The following STX8 variants were observed in gnomAD, a reference collection of about 807,000 sequenced individuals.
STX8 encodes the protein syntaxin-8.
STX8 carries 23 observed loss-of-function variants against 37.5 expected under a neutral mutation model. That is an observed-to-expected ratio of 0.61 (90% confidence interval 0.44 to 0.87). The LOEUF is 0.87. Among genes scored for constraint, STX8 ranks in the 40% least tolerant of loss-of-function variants. STX8 has a pLI of 0.00. For missense variants in STX8, 313 were observed against 284.7 expected (o/e 1.10, Z -0.71); for synonymous variants, 115 against 99.1 (o/e 1.16, Z -0.95).
At chr17:9,547,642 A>AAAAAAAAAAAAAAAAAAAAG in intron 3 of STX8, among the ~76,000 whole-genome samples, 1 of 115,846 alleles carries the variant, frequency 8.6e-6, no homozygotes, top group African/African-American at 3.2e-5. Context: ...AAAAAAAAGA[A>AAAAAAAAAAAAAAAAAAAAG]AAAAGAAAAG....
At chr17:9,357,778 G>A (rs61378513) in intron 7 of STX8, among the ~76,000 whole-genome samples, 4,414 of 152,172 alleles carry the variant, frequency 0.029, 121 homozygotes, top group African/African-American at 0.075. Context: ...AGTGAAGGGC[G>A]CAATGCCTCA....
chr17:9,268,298 A>AG lies in STX8; in HGVS notation c.644-17654_644-17653insC, dbSNP rs1198940275. Among the ~76,000 whole-genome samples the AG allele has an allele frequency of 6.1e-3, 925 of 151,510 alleles. 5 individuals are homozygous for AG. The highest frequency in any genetic ancestry group is 0.027 in the South Asian group (130 of 4,756). On this transcript the variant is annotated intron_variant, in intron 7 of 7. Coordinates refer to ENST00000306357, the MANE Select transcript of STX8 (RefSeq NM_004853.3). The stretch of plus-strand genomic sequence containing the variant: ...TGGAGTAAGAACAAAAAAAAAAAAA[A>AG]AGAGAGAGAGAGAGACTTCAAAGTT...
At chr17:9,376,507 G>C (rs1221294750) in intron 7 of STX8, among the ~76,000 whole-genome samples, 1 of 152,190 alleles carries the variant, frequency 6.6e-6, no homozygotes, top group African/African-American at 2.4e-5. Flanking sequence ...CAGGACATGG[G>C]CGGAGCCAAA....
chr17:9,279,554 A>G (rs1352118250), intron 7 of STX8, among the ~76,000 whole-genome samples: 1 of 152,226 alleles, frequency 6.6e-6, no homozygotes, highest in Non-Finnish European at 1.5e-5. Context: ...TTAAGGTTGT[A>G]CAGAAGTAGA....
At position 9,557,493 on chromosome 17, in the gene STX8, C is replaced by CAGA; in HGVS notation, c.152_153insTCT (p.Leu51dup). 6.2e-7 allele frequency: 1 copy of CAGA among 1,614,100 alleles called. No individual in the cohort carries two copies. Among genetic ancestry groups the CAGA allele is most frequent in the Non-Finnish European group, 8.5e-7 (1 of 1,179,986 alleles). On this transcript the variant is annotated inframe_insertion, in exon 3 of 8. Coordinates refer to ENST00000306357, the MANE Select transcript of STX8 (RefSeq NM_004853.3). ...CCTTCAAAAGGGCGATCTTTTCCTT[C>CAGA]AGGTTCTGCAACAAAGCTCTGATTG...
chr17:9,261,929 C>T (rs1907054408), intron 7 of STX8, among the ~76,000 whole-genome samples: 1 of 152,178 alleles, frequency 6.6e-6, no homozygotes, highest in Admixed American at 6.5e-5. Flanking sequence ...TGACAATTCC[C>T]TCTTGACTGT....
intron 7 of STX8, among the ~76,000 whole-genome samples, chr17:9,271,761 A>AG (rs1438392218): frequency 4.0e-5 from 6 of 151,856 alleles, no homozygotes; most frequent in African/African-American, 1.5e-4. Context: ...AAAAAAAAAA[A>AG]AAAAAAAGAA....
At chr17:9,296,544 G>A (rs1261965581) in intron 7 of STX8, among the ~76,000 whole-genome samples, 1 of 148,582 alleles carries the variant, frequency 6.7e-6, no homozygotes. Context: ...TAAATGTTAT[G>A]ACATGATTAA....
chr17:9,361,792 G>A (rs1033417580), intron 7 of STX8, among the ~76,000 whole-genome samples: 3 of 152,272 alleles, frequency 2.0e-5, no homozygotes, highest in Non-Finnish European at 4.4e-5. Flanking sequence ...CTTAAACAGA[G>A]TGGCAAGCAC....
intron 5 of STX8, among the ~76,000 whole-genome samples, chr17:9,503,669 G>A (rs1904708754): frequency 6.6e-6 from 1 of 152,140 alleles, no homozygotes; most frequent in Non-Finnish European, 1.5e-5. Flanking sequence ...ACCAGGCCTG[G>A]CAATAAAGCT....
At chr17:9,307,810 G>A (rs1277994116) in intron 7 of STX8, among the ~76,000 whole-genome samples, 1 of 152,016 alleles carries the variant, frequency 6.6e-6, no homozygotes, top group Non-Finnish European at 1.5e-5. Flanking sequence ...TTTGTCCTCT[G>A]AGTCACAGAA....
At chr17:9,573,555 T>TC (rs1907768481) in intron 1 of STX8, among the ~76,000 whole-genome samples, 1 of 152,202 alleles carries the variant, frequency 6.6e-6, no homozygotes, top group Admixed American at 6.5e-5. Flanking sequence ...AGCAAGCTGT[T>TC]CCCCAACCAC....
chr17:9,550,498 C>T (rs933659967), intron 3 of STX8, among the ~76,000 whole-genome samples: 2 of 151,878 alleles, frequency 1.3e-5, no homozygotes, highest in African/African-American at 2.4e-5. Flanking sequence ...GGCGTGAACC[C>T]GGGAGGTGGA....
chr17:9,285,375 G>A (rs1170568730), intron 7 of STX8, among the ~76,000 whole-genome samples: 3 of 136,340 alleles, frequency 2.2e-5, no homozygotes, highest in African/African-American at 8.2e-5. Context: ...AAAACAACCA[G>A]AATCAGCAGA....
chr17:9,400,900 A>G (rs1235750185), intron 6 of STX8, among the ~76,000 whole-genome samples: 2 of 152,170 alleles, frequency 1.3e-5, no homozygotes, highest in Admixed American at 1.3e-4. Flanking sequence ...CCCCCTCACA[A>G]TTATAGAAAA....
intron 7 of STX8, among the ~76,000 whole-genome samples, chr17:9,349,685 G>A (rs114018397): frequency 0.029 from 4,434 of 151,978 alleles, 124 homozygotes; most frequent in African/African-American, 0.075. Context: ...TAATAAAATA[G>A]AACAATTATA....
chr17:9,551,338 T>C (rs1906753427), intron 3 of STX8, among the ~76,000 whole-genome samples: 2 of 152,188 alleles, frequency 1.3e-5, no homozygotes, highest in African/African-American at 4.8e-5. Flanking sequence ...ATACCATCAT[T>C]GTTTGTGAGT....
intron 6 of STX8, among the ~76,000 whole-genome samples, chr17:9,433,730 A>G (rs755726928): frequency 2.0e-5 from 3 of 152,136 alleles, no homozygotes; most frequent in Non-Finnish European, 4.4e-5. Context: ...TGGGAATCCA[A>G]AAGAGTGAAA....
chr17:9,259,725 G>A (rs1449066406), intron 7 of STX8, among the ~76,000 whole-genome samples: 2 of 152,160 alleles, frequency 1.3e-5, no homozygotes, highest in African/African-American at 4.8e-5. Context: ...GTGAGGAAGT[G>A]GAGGTCAGAG....
Sources: allele counts gnomAD v4.1 joint callset (sites outside exome capture counted in the v4.1 genomes callset), GRCh38; gene constraint gnomAD v4.1.1; transcripts MANE v1.5; gene names NCBI Gene and HGNC (gene_info 2026-07-23, HGNC 2026-07-21).